Variants in YTHDF2 observed in about 807,000 individuals in gnomAD.
The protein encoded by YTHDF2 is YTH N6-methyladenosine RNA binding protein F2, also known as YTH domain-containing family protein 2.
YTHDF2 carries 2 observed loss-of-function variants against 50.4 expected under a neutral mutation model. The ratio of observed to expected loss-of-function variants is 0.04; its 90% CI spans 0.02 to 0.12. The LOEUF is 0.12. Ranked by LOEUF, YTHDF2 falls within the 10% of genes least tolerant of loss-of-function variation. The probability of loss-of-function intolerance (pLI) is 1.00; values close to 1 mark genes in which losing one functional copy is unlikely to be tolerated. For synonymous variants in YTHDF2, 217 were observed against 255.6 expected, an observed-to-expected ratio of 0.85 and a Z score of 1.44; for missense variants, 483 against 722.6, an observed-to-expected ratio of 0.67 and a Z score of 3.80.
chr1:28,762,579 A>G (rs2088152618), intron 4 of YTHDF2, among the ~76,000 whole-genome samples: 1 of 152,176 alleles, frequency 6.6e-6, no homozygotes, highest in South Asian at 2.1e-4. Context: ...ATGTTAATAA[A>G]ATTATATCCA....
At chr1:28,754,675 G>C in intron 4 of YTHDF2, among the ~76,000 whole-genome samples, 1 of 152,174 alleles carries the variant, frequency 6.6e-6, no homozygotes, top group Admixed American at 6.6e-5. Flanking sequence ...TTAGCTGGGC[G>C]TGGTGGTGGG....
chr1:28,752,359 G>A (rs951607831), intron 4 of YTHDF2, among the ~76,000 whole-genome samples: 10 of 152,156 alleles, frequency 6.6e-5, no homozygotes, highest in Non-Finnish European at 1.5e-4. Context: ...GTGCAGTGCA[G>A]TGGCATGATC....
At chr1:28,753,397 A>AAAAAAAAAAAAAAAAAAC (rs2087987634) in intron 4 of YTHDF2, among the ~76,000 whole-genome samples, 1 of 114,890 alleles carries the variant, frequency 8.7e-6, no homozygotes, top group South Asian at 2.8e-4. Context: ...AAAAAAAAAA[A>AAAAAAAAAAAAAAAAAAC]ATCAGCCAGG....
intron 4 of YTHDF2, among the ~76,000 whole-genome samples, chr1:28,763,215 T>G (rs2088161091): frequency 6.6e-6 from 1 of 152,182 alleles, no homozygotes; most frequent in African/African-American, 2.4e-5. Flanking sequence ...TTCTAGTTAT[T>G]TAAGCCACAG....
intron 4 of YTHDF2, among the ~76,000 whole-genome samples, chr1:28,767,608 A>C (rs2088237545): frequency 6.6e-6 from 1 of 152,058 alleles, no homozygotes; most frequent in Non-Finnish European, 1.5e-5. Flanking sequence ...TTCCGGGTTC[A>C]CGCCATTCTC....
chr1:28,758,450 G>A (rs1229493423), intron 4 of YTHDF2, among the ~76,000 whole-genome samples: 1 of 152,178 alleles, frequency 6.6e-6, no homozygotes, highest in Non-Finnish European at 1.5e-5. Context: ...GACATATAAA[G>A]AGAACATAAT....
At chr1:28,754,641 T>C (rs775698818) in intron 4 of YTHDF2, among the ~76,000 whole-genome samples, 8 of 151,710 alleles carry the variant, frequency 5.3e-5, no homozygotes, top group African/African-American at 1.7e-4. Flanking sequence ...GGCAACATGG[T>C]GAAACCCCAT....
In YTHDF2 at chr1:28,743,032, G is replaced by A; in HGVS notation, c.762G>A (p.Lys254=). The change falls in exon 4 of 5, where the codon AAG becomes AAA. Residue 254 remains lysine, a synonymous_variant. Transcript: ENST00000373812. This position sits in a 1 kb window ranked among gnomAD's most constrained non-coding sequence, Gnocchi z 6.9. ...SKPAKQQPKL[K]TKNGIAGSSL... ...CTGCAAAACAGCAACCTAAACTGAA[G>A]ACCAAGAATGGCATTGCAGGGTCAA... 6.2e-7 allele frequency: 1 copy of A among 1,614,196 alleles called. No homozygotes were observed. Among genetic ancestry groups the A allele is most frequent in the Non-Finnish European group, 8.5e-7 (1 of 1,180,050 alleles).
At chr1:28,762,221 T>C (rs910706557) in intron 4 of YTHDF2, among the ~76,000 whole-genome samples, 1 of 151,898 alleles carries the variant, frequency 6.6e-6, no homozygotes, top group Non-Finnish European at 1.5e-5. Flanking sequence ...TGAAACCCCG[T>C]CTCTACTAAA....
rs2318771 is a variant in YTHDF2 at position 28,755,044 on chromosome 1, A to T, written c.1716+11058A>T. Among the ~76,000 whole-genome samples, 1,376 of 152,042 alleles carry T rather than the reference A, an allele frequency of 9.1e-3. 15 individuals carry two copies. The highest frequency in any genetic ancestry group is 0.031 in the African/African-American group (1,291 of 41,422). ...CTTTTACAGTATTCTGGGGAAAAAA[A>T]GATGATGAGGGCCTGAACCAGGACA... On this transcript the variant is annotated intron_variant, in intron 4 of 4. Transcript: ENST00000373812.
At chr1:28,763,927 T>C (rs1454231627) in intron 4 of YTHDF2, among the ~76,000 whole-genome samples, 6 of 148,324 alleles carry the variant, frequency 4.0e-5, no homozygotes, top group Non-Finnish European at 7.4e-5. Flanking sequence ...ATCTTTATTA[T>C]TATTATTATT....
intron 4 of YTHDF2, among the ~76,000 whole-genome samples, chr1:28,761,590 A>T (rs915251061): frequency 5.9e-5 from 9 of 152,172 alleles, no homozygotes; most frequent in African/African-American, 2.4e-5. Context: ...ATACAAAATT[A>T]GCTGGGCATG....
At position 28,737,569 on chromosome 1, in the gene YTHDF2, C is replaced by T. The variant is rs2087713364; in HGVS notation, c.28-89C>T. 6 of 1,580,548 alleles carry T rather than the reference C, an allele frequency of 3.8e-6. No homozygotes were observed. The South Asian group carries it at 4.5e-5, about 12-fold the overall frequency. On this transcript the variant is annotated intron_variant, in intron 1 of 4. Transcript: ENST00000373812. ...CTCCCCTCGGGCCTGCTCCTTTATT[C>T]TCCCTTCGGGCCCTGCCTTAATTTG...
At position 28,768,610 on chromosome 1, in the gene YTHDF2, C is replaced by G. The variant is rs144900515; in HGVS notation, c.1717-319C>G. On this transcript the variant is annotated intron_variant, in intron 4 of 4. Transcript: ENST00000373812. The stretch of plus-strand genomic sequence containing the variant: ...TATGTATGTATTCTGCTTTATCTGA[C>G]CAGTCATGTATGTTTGGGTTACTTC... Among the ~76,000 whole-genome samples the G allele has an allele frequency of 3.6e-3, 544 of 152,202 alleles. 7 individuals carry two copies. The highest frequency in any genetic ancestry group is 0.013 in the African/African-American group (521 of 41,538).
chr1:28,765,035 G>C (rs186966852), intron 4 of YTHDF2, among the ~76,000 whole-genome samples: 1 of 152,104 alleles, frequency 6.6e-6, no homozygotes, highest in Admixed American at 6.5e-5. Flanking sequence ...AAGGCCCTCT[G>C]TTCCTGGTTT....
At chr1:28,768,846 TGA>T (rs1570485817) in intron 4 of YTHDF2, 81 bp from the exon 5 acceptor site, 12 of 995,698 alleles carry the variant, frequency 1.2e-5, no homozygotes, top group South Asian at 7.4e-5. Context: ...AAATTTCTGT[TGA>T]GTTATTCTGT....
At chr1:28,768,522 C>T (rs1438381990) in intron 4 of YTHDF2, among the ~76,000 whole-genome samples, 1 of 152,010 alleles carries the variant, frequency 6.6e-6, no homozygotes, top group Non-Finnish European at 1.5e-5. Flanking sequence ...ATGTCCAAGG[C>T]CTTGGGACTA....
intron 4 of YTHDF2, among the ~76,000 whole-genome samples, chr1:28,757,133 C>T (rs552752597): frequency 6.6e-6 from 1 of 152,156 alleles, no homozygotes; most frequent in Non-Finnish European, 1.5e-5. Flanking sequence ...AATAGTCCCT[C>T]GTTGAACTGA....
chr1:28,766,898 T>A (rs559055118), intron 4 of YTHDF2, among the ~76,000 whole-genome samples: 4 of 151,478 alleles, frequency 2.6e-5, no homozygotes, highest in African/African-American at 9.7e-5. Context: ...AGTGGTGTGA[T>A]CAGGGCTCAC....
Sources: gnomAD v4.1 joint callset for allele counts (sites outside exome capture counted in the v4.1 genomes callset) on GRCh38, gnomAD v4.1.1 for gene constraint, Gnocchi (gnomAD v3.1) non-coding constraint, MANE v1.5 for transcripts, NCBI Gene and HGNC (gene_info 2026-07-23, HGNC 2026-07-21) for gene names.